The following SH3GL2 variants were observed in gnomAD, a reference collection of about 807,000 sequenced individuals.
SH3GL2 encodes endophilin-A1.
Under a neutral mutation model 46.0 loss-of-function variants are expected in SH3GL2, and 24 were observed. The observed-to-expected ratio is 0.52, with a 90% CI of 0.38 to 0.73. SH3GL2 has a LOEUF of 0.73. Among genes scored for constraint, SH3GL2 ranks in the 30% least tolerant of loss-of-function variants. SH3GL2 has a pLI of 0.00. For synonymous variants in SH3GL2, 196 were observed against 147.1 expected (o/e 1.33, Z -2.40); for missense variants, 413 against 424.2 (o/e 0.97, Z 0.23).
intron 1 of SH3GL2, among the ~76,000 whole-genome samples, chr9:17,709,646 ATG>A (rs201812256): frequency 6.9e-6 from 1 of 145,674 alleles, no homozygotes; most frequent in Non-Finnish European, 1.5e-5. Context: ...AATATTATAT[ATG>A]TGTGTGTATA....
intron 1 of SH3GL2, among the ~76,000 whole-genome samples, chr9:17,659,144 G>C (rs1402909100): frequency 6.6e-6 from 1 of 152,264 alleles, no homozygotes; most frequent in East Asian, 1.9e-4. Context: ...AAAAAGAACG[G>C]GAAAGGGCAG....
intron 3 of SH3GL2, among the ~76,000 whole-genome samples, 156 bp from the exon 4 acceptor site, chr9:17,786,225 A>G (rs923492008): frequency 6.6e-6 from 1 of 152,158 alleles, no homozygotes; most frequent in Admixed American, 6.5e-5. Flanking sequence ...GGTTGATAAG[A>G]CTGACTGACG....
chr9:17,790,859 T>C (rs1050424057), intron 6 of SH3GL2, among the ~76,000 whole-genome samples: 1 of 152,128 alleles, frequency 6.6e-6, no homozygotes, highest in Non-Finnish European at 1.5e-5. Flanking sequence ...GCATGAAAAG[T>C]ATAAGGAACA....
intron 6 of SH3GL2, 87 bp downstream of exon 6, chr9:17,789,637 A>G (rs1278866918): frequency 5.1e-6 from 8 of 1,572,214 alleles, no homozygotes; most frequent in South Asian, 1.1e-5. Flanking sequence ...AAAAGCATTA[A>G]TATCTGATTA....
chr9:17,738,594 A>AGAGAG (rs879356627), intron 1 of SH3GL2, among the ~76,000 whole-genome samples: 3 of 140,418 alleles, frequency 2.1e-5, no homozygotes, highest in South Asian at 2.3e-4. Context: ...AGAGAGAGAG[A>AGAGAG]ATTTTATTTC....
At chr9:17,581,584 T>G (rs1818277839) in intron 1 of SH3GL2, among the ~76,000 whole-genome samples, 1 of 152,210 alleles carries the variant, frequency 6.6e-6, no homozygotes, top group East Asian at 1.9e-4. Context: ...TGTAGCCATT[T>G]TTTTCCATCA....
At chr9:17,742,240 A>G (rs1292584034) in intron 1 of SH3GL2, among the ~76,000 whole-genome samples, 4 of 152,158 alleles carry the variant, frequency 2.6e-5, no homozygotes, top group Non-Finnish European at 5.9e-5. Flanking sequence ...TGCTGGGAAG[A>G]ATCAGAGCCA....
intron 1 of SH3GL2, among the ~76,000 whole-genome samples, chr9:17,623,554 A>G (rs1262464693): frequency 6.6e-6 from 1 of 152,140 alleles, no homozygotes; most frequent in Non-Finnish European, 1.5e-5. Context: ...GAAAAATGTA[A>G]TCGGAGAATG....
chr9:17,594,953 G>A (rs1221103918), intron 1 of SH3GL2, among the ~76,000 whole-genome samples: 3 of 152,190 alleles, frequency 2.0e-5, no homozygotes, highest in African/African-American at 7.2e-5. Context: ...AAAAGTTAAT[G>A]TAGAATTTAA....
At chr9:17,683,126 T>C (rs564503171) in intron 1 of SH3GL2, among the ~76,000 whole-genome samples, 1 of 152,248 alleles carries the variant, frequency 6.6e-6, no homozygotes, top group Non-Finnish European at 1.5e-5. Flanking sequence ...TAAATGCTGA[T>C]GCTGATGTCA....
intron 1 of SH3GL2, among the ~76,000 whole-genome samples, chr9:17,619,309 A>G (rs528193339): frequency 3.9e-5 from 6 of 152,314 alleles, no homozygotes; most frequent in African/African-American, 1.2e-4. Flanking sequence ...CTACTCAACT[A>G]TATTTGAGAA....
chr9:17,682,683 T>TA (rs538365567), intron 1 of SH3GL2, among the ~76,000 whole-genome samples: 2,142 of 136,658 alleles, frequency 0.016, 39 homozygotes, highest in African/African-American at 0.047. Context: ...AAAGCAAAAT[T>TA]AAAAAAAAAA....
At chr9:17,591,861 T>C (rs760036867) in intron 1 of SH3GL2, among the ~76,000 whole-genome samples, 8 of 152,244 alleles carry the variant, frequency 5.3e-5, no homozygotes, top group Non-Finnish European at 1.0e-4. Flanking sequence ...CACATGATTA[T>C]GGTAGAATAA....
chr9:17,737,441 C>T (rs549308482), intron 1 of SH3GL2, among the ~76,000 whole-genome samples: 1 of 151,988 alleles, frequency 6.6e-6, no homozygotes, highest in African/African-American at 2.4e-5. Flanking sequence ...TATCTGATTC[C>T]TAGTGTCCTT....
chr9:17,650,721 T>G (rs1469739450), intron 1 of SH3GL2, among the ~76,000 whole-genome samples: 2 of 152,234 alleles, frequency 1.3e-5, no homozygotes, highest in African/African-American at 2.4e-5. Flanking sequence ...ATATGATGGC[T>G]AAAGCCGACC....
intron 6 of SH3GL2, 72 bp downstream of exon 6, chr9:17,789,622 C>T: frequency 6.3e-7 from 1 of 1,589,510 alleles, no homozygotes; most frequent in Non-Finnish European, 8.6e-7. Flanking sequence ...AAGGCCATAA[C>T]CCTTAAAAGC....
At chr9:17,742,746 G>A (rs572328590) in intron 1 of SH3GL2, among the ~76,000 whole-genome samples, 1 of 152,270 alleles carries the variant, frequency 6.6e-6, no homozygotes, top group South Asian at 2.1e-4. Flanking sequence ...TAGATTAGAA[G>A]TATAAAGTCT....
intron 1 of SH3GL2, among the ~76,000 whole-genome samples, chr9:17,730,099 A>G (rs1822132709): frequency 6.6e-6 from 1 of 151,992 alleles, no homozygotes; most frequent in Non-Finnish European, 1.5e-5. Flanking sequence ...ATGAGCATGG[A>G]ATGTTTTCCC....
chr9:17,782,950 G>C (rs1329178827), intron 3 of SH3GL2, among the ~76,000 whole-genome samples: 1 of 152,038 alleles, frequency 6.6e-6, no homozygotes. Flanking sequence ...GACCAATTCT[G>C]ATTTTTGTCC....
Sources: allele counts gnomAD v4.1 joint callset (sites outside exome capture counted in the v4.1 genomes callset), GRCh38; gene constraint gnomAD v4.1.1; transcripts MANE v1.5; gene names NCBI Gene and HGNC (gene_info 2026-07-23, HGNC 2026-07-21).